Variants in SETBP1 observed in about 807,000 individuals in gnomAD.
SETBP1 encodes SET binding protein 1.
SETBP1 carries 9 observed loss-of-function variants against 101.0 expected under a neutral mutation model. The ratio of observed to expected loss-of-function variants is 0.09; its 90% CI spans 0.05 to 0.16. The LOEUF (loss-of-function observed/expected upper bound fraction) is 0.16, where lower values mean the gene tolerates loss of function less well. Ranked by LOEUF, SETBP1 falls within the 10% of genes least tolerant of loss-of-function variation. The probability of loss-of-function intolerance (pLI) is 1.00; values close to 1 mark genes in which losing one functional copy is unlikely to be tolerated. For synonymous variants in SETBP1, 818 were observed against 788.5 expected (o/e 1.04, Z -0.63); for missense variants, 1,858 against 2,033.8 (o/e 0.91, Z 1.66).
intron 4 of SETBP1, among the ~76,000 whole-genome samples, chr18:44,995,516 C>T (rs973327165): frequency 7.1e-6 from 1 of 141,434 alleles, no homozygotes; most frequent in South Asian, 2.3e-4. Flanking sequence ...TTAAAATGTA[C>T]ATGTCCAGGC....
At chr18:44,720,006 C>A (rs1024370541) in intron 2 of SETBP1, among the ~76,000 whole-genome samples, 6 of 152,182 alleles carry the variant, frequency 3.9e-5, no homozygotes, top group African/African-American at 1.4e-4. Flanking sequence ...CCTCATGATT[C>A]TCTGAGGACC....
chr18:44,739,112 G>A (rs928569413), intron 2 of SETBP1, among the ~76,000 whole-genome samples: 1 of 152,056 alleles, frequency 6.6e-6, no homozygotes, highest in African/African-American at 2.4e-5. Flanking sequence ...CCATCTCTCT[G>A]GTTCTACCTA....
At chr18:44,702,643 C>G (rs2069137225) in intron 2 of SETBP1, among the ~76,000 whole-genome samples, 1 of 152,104 alleles carries the variant, frequency 6.6e-6, no homozygotes, top group African/African-American at 2.4e-5. Context: ...TTAATCAGAA[C>G]AGTCAAGAAT....
intron 4 of SETBP1, among the ~76,000 whole-genome samples, chr18:45,014,085 G>T (rs1000923941): frequency 2.6e-5 from 4 of 152,148 alleles, no homozygotes; most frequent in African/African-American, 9.7e-5. Context: ...ATTGAGCATT[G>T]GGACTCAAAT....
At chr18:44,913,510 T>G (rs1424481898) in intron 3 of SETBP1, among the ~76,000 whole-genome samples, 1 of 152,204 alleles carries the variant, frequency 6.6e-6, no homozygotes, top group African/African-American at 2.4e-5. Context: ...AGGCAGAGAC[T>G]AGAGGTGAGT....
At chr18:44,859,142 C>T (rs750004718) in intron 2 of SETBP1, among the ~76,000 whole-genome samples, 1 of 152,138 alleles carries the variant, frequency 6.6e-6, no homozygotes, top group Non-Finnish European at 1.5e-5. Context: ...TGATAATTAA[C>T]AATGTTCATA....
chr18:44,860,096 A>T (rs1428674341), intron 2 of SETBP1, among the ~76,000 whole-genome samples: 1 of 152,202 alleles, frequency 6.6e-6, no homozygotes, highest in East Asian at 1.9e-4. Flanking sequence ...GATGAATTAG[A>T]AAGCTTTGAT....
intron 2 of SETBP1, among the ~76,000 whole-genome samples, chr18:44,723,576 C>CTG (rs2069647495): frequency 6.6e-6 from 1 of 152,208 alleles, no homozygotes; most frequent in African/African-American, 2.4e-5. Flanking sequence ...GACTGAATTG[C>CTG]TGTGGCCGGT....
intron 3 of SETBP1, among the ~76,000 whole-genome samples, chr18:44,908,583 T>G (rs2070232238): frequency 6.6e-6 from 1 of 152,236 alleles, no homozygotes; most frequent in Admixed American, 6.5e-5. Flanking sequence ...GTCACACTCT[T>G]GACTGCAATA....
intron 5 of SETBP1, among the ~76,000 whole-genome samples, chr18:45,044,828 A>G (rs555367812): frequency 6.6e-6 from 1 of 152,354 alleles, no homozygotes; most frequent in East Asian, 1.9e-4. Context: ...GAATTAGACA[A>G]CGGGGCATTA....
chr18:45,043,681 G>C (rs1377935459), intron 5 of SETBP1, among the ~76,000 whole-genome samples: 3 of 152,140 alleles, frequency 2.0e-5, no homozygotes, highest in Admixed American at 2.0e-4. Flanking sequence ...TAGGCATTTT[G>C]CTTCTCATGG....
rs573209081 is a variant in SETBP1, at chr18:45,053,144, A to G, written c.4172-9935A>G. ...TGTTGTTGGGGGAAAAAAAAAATGC[A>G]GTTTTTAAAAAATGTAGCTTTTTTT... On this transcript the variant is annotated intron_variant, in intron 5 of 5. Transcript: ENST00000649279. 3.9e-5 allele frequency among the ~76,000 whole-genome samples: 6 copies of G among 152,298 alleles called. No individual in the cohort carries two copies. The South Asian group carries it at 6.2e-4, about 16-fold the overall frequency.
intron 3 of SETBP1, among the ~76,000 whole-genome samples, chr18:44,901,078 C>T (rs1185095637): frequency 6.6e-6 from 1 of 152,146 alleles, no homozygotes; most frequent in African/African-American, 2.4e-5. Context: ...ACAGAACAAA[C>T]TGTTTAATTT....
chr18:45,005,469 T>C (rs1354556307), intron 4 of SETBP1, among the ~76,000 whole-genome samples: 1 of 152,062 alleles, frequency 6.6e-6, no homozygotes, highest in Non-Finnish European at 1.5e-5. Flanking sequence ...ATACACTGGA[T>C]AAAAGAGGAG....
rs911057940 is a variant in SETBP1 at position 44,788,524 on chromosome 18, A to G, written c.487-80706A>G. 2.6e-5 allele frequency among the ~76,000 whole-genome samples: 4 copies of G among 152,316 alleles called. No homozygotes were observed. In the South Asian group the frequency reaches 6.2e-4, roughly 24 times the overall value. ...TGAGGCCATTAGCAGAGTGAAGAGAACAGGTGCTTGGAAGCCTGGCCTTGC... is the reference window on the plus strand; with the variant it reads ...TGAGGCCATTAGCAGAGTGAAGAGAGCAGGTGCTTGGAAGCCTGGCCTTGC... On this transcript the variant is annotated intron_variant, in intron 2 of 5. Transcript: ENST00000649279.
At chr18:44,803,404 A>G (rs1425713354) in intron 2 of SETBP1, among the ~76,000 whole-genome samples, 1 of 152,144 alleles carries the variant, frequency 6.6e-6, no homozygotes, top group East Asian at 1.9e-4. Flanking sequence ...GGAGCTAAAT[A>G]TAGCTGGTGC....
intron 4 of SETBP1, among the ~76,000 whole-genome samples, chr18:45,026,022 G>A (rs546812604): frequency 1.3e-5 from 2 of 152,288 alleles, no homozygotes; most frequent in Admixed American, 1.3e-4. Flanking sequence ...GACCCAGTTA[G>A]CATTGAGATC....
chr18:44,711,115 A>T (rs1367852363), intron 2 of SETBP1, among the ~76,000 whole-genome samples: 2 of 152,212 alleles, frequency 1.3e-5, no homozygotes, highest in African/African-American at 4.8e-5. Context: ...TGAGGCCGCC[A>T]TCTGAGTGCG....
intron 2 of SETBP1, among the ~76,000 whole-genome samples, chr18:44,759,294 C>A (rs1283321084): frequency 6.6e-6 from 1 of 152,144 alleles, no homozygotes; most frequent in Non-Finnish European, 1.5e-5. Flanking sequence ...AATCAGCAGA[C>A]CTTTATGGCT....
Sources: allele counts gnomAD v4.1 joint callset (sites outside exome capture counted in the v4.1 genomes callset), GRCh38; gene constraint gnomAD v4.1.1; transcripts MANE v1.5; gene names NCBI Gene and HGNC (gene_info 2026-07-23, HGNC 2026-07-21).